The following CTBP2 variants were observed in gnomAD, a reference collection of about 807,000 sequenced individuals.
The protein encoded by CTBP2 is C-terminal-binding protein 2.
A neutral mutation model predicts 80.3 loss-of-function variants in CTBP2; 30 were observed. The ratio of observed to expected loss-of-function variants is 0.37; its 90% CI spans 0.28 to 0.51. The LOEUF is 0.51. CTBP2 is among the 20% of genes least tolerant of loss of function. CTBP2 has a pLI of 0.93. For missense variants in CTBP2, 1,212 were observed against 1,375.3 expected (o/e 0.88, Z 1.88); for synonymous variants, 594 against 587.4 (o/e 1.01, Z -0.16).
chr10:125,002,359 T>C lies in CTBP2; in HGVS notation c.1978+601A>G, dbSNP rs553985262. ...ACATGCACCCCCAGCCGCAAGTGCA[T>C]GGGGCCGATAAGCAGCTTTGAAGCC... On this transcript the variant is annotated intron_variant, in intron 3 of 8. Coordinates refer to ENST00000309035, the MANE Select transcript of CTBP2 (RefSeq NM_022802.3). Among the ~76,000 whole-genome samples, 6 of 152,338 alleles carry C rather than the reference T, an allele frequency of 3.9e-5. No individual in the cohort carries two copies. The South Asian group carries it at 1.0e-3, about 26-fold the overall frequency.
chr10:125,083,457 C>A (rs966225733), intron 2 of CTBP2, among the ~76,000 whole-genome samples: 1 of 152,168 alleles, frequency 6.6e-6, no homozygotes, highest in Non-Finnish European at 1.5e-5. Context: ...TGCAGACCCC[C>A]GACCTGGGCG....
chr10:125,072,303 A>T (rs1018773469), intron 2 of CTBP2, among the ~76,000 whole-genome samples: 2 of 152,032 alleles, frequency 1.3e-5, no homozygotes, highest in African/African-American at 4.8e-5. Flanking sequence ...TACAGCTCCT[A>T]TCTGTCCTGC....
intron 1 of CTBP2, among the ~76,000 whole-genome samples, chr10:125,112,484 A>C (rs919293989): frequency 2.7e-5 from 4 of 148,126 alleles, no homozygotes; most frequent in Non-Finnish European, 5.9e-5. Flanking sequence ...GCTGGAGTGC[A>C]ATGGCGCCGT....
intron 1 of CTBP2, among the ~76,000 whole-genome samples, chr10:125,141,334 G>A (rs1350335878): frequency 2.6e-5 from 4 of 152,004 alleles, no homozygotes; most frequent in Non-Finnish European, 5.9e-5. Context: ...CCTATTTGAC[G>A]CATAAGGAGC....
At chr10:125,106,706 GA>G (rs1410760709) in intron 2 of CTBP2, among the ~76,000 whole-genome samples, 1 of 152,196 alleles carries the variant, frequency 6.6e-6, no homozygotes, top group Non-Finnish European at 1.5e-5. Context: ...AACTCAGCAG[GA>G]ACCCACCCAG....
At chr10:125,065,335 A>C (rs1844459165) in intron 2 of CTBP2, among the ~76,000 whole-genome samples, 1 of 140,896 alleles carries the variant, frequency 7.1e-6, no homozygotes, top group South Asian at 2.3e-4. Context: ...TGCACACATG[A>C]ATCTGTGCTT....
chr10:125,011,619 G>A lies in CTBP2; in HGVS notation c.1679-8127C>T, dbSNP rs180763304. Among the ~76,000 whole-genome samples the A allele has an allele frequency of 1.1e-3, 164 of 152,272 alleles. 1 individual carries two copies. The highest frequency in any genetic ancestry group is 1.9e-3 in the South Asian group (9 of 4,828). ...ACAAAATACAAACCCCCCTGAAAACGAAGCTCATCTGCAACCCTAGAAAGA... is the reference window on the plus strand; with the variant it reads ...ACAAAATACAAACCCCCCTGAAAACAAAGCTCATCTGCAACCCTAGAAAGA... On this transcript the variant is annotated intron_variant, in intron 1 of 8. Transcript: ENST00000309035.
At chr10:125,091,190 T>C (rs948382372) in intron 2 of CTBP2, among the ~76,000 whole-genome samples, 5 of 152,122 alleles carry the variant, frequency 3.3e-5, no homozygotes, top group Non-Finnish European at 5.9e-5. Context: ...AAGAAAAGTA[T>C]TGGAGAGGCC....
At chr10:125,157,403 AAAAG>A (rs1861117395) in intron 1 of CTBP2, among the ~76,000 whole-genome samples, 1 of 143,342 alleles carries the variant, frequency 7.0e-6, no homozygotes, top group Admixed American at 6.9e-5. Context: ...TAAAAAAAAA[AAAAG>A]AGCGGGGGGG....
At chr10:125,044,309 G>A (rs1485486650) in intron 2 of CTBP2, among the ~76,000 whole-genome samples, 1 of 152,226 alleles carries the variant, frequency 6.6e-6, no homozygotes, top group Non-Finnish European at 1.5e-5. Context: ...CCCAGCTCTT[G>A]CACACATAGC....
chr10:125,048,232 G>A (rs1961754785), intron 2 of CTBP2, among the ~76,000 whole-genome samples: 2 of 152,248 alleles, frequency 1.3e-5, no homozygotes, highest in South Asian at 2.1e-4. Context: ...GGTGTCCAGC[G>A]ATGGGGCCCT....
chr10:125,095,409 G>A (rs1849395609), intron 2 of CTBP2, among the ~76,000 whole-genome samples: 1 of 152,168 alleles, frequency 6.6e-6, no homozygotes, highest in East Asian at 1.9e-4. Context: ...TCCAAGGGAT[G>A]TGGTCAAAAC....
chr10:125,042,054 C>A (rs975343975), intron 2 of CTBP2, among the ~76,000 whole-genome samples: 1 of 151,900 alleles, frequency 6.6e-6, no homozygotes, highest in African/African-American at 2.4e-5. Context: ...GTGGCACCGA[C>A]CCATGTTTAG....
intron 2 of CTBP2, among the ~76,000 whole-genome samples, chr10:125,069,093 G>A (rs1390786469): frequency 6.6e-6 from 1 of 152,108 alleles, no homozygotes; most frequent in Non-Finnish European, 1.5e-5. Flanking sequence ...CTCGGGGCTG[G>A]CCTCTTCCAG....
intron 3 of CTBP2, among the ~76,000 whole-genome samples, chr10:125,036,907 C>A (rs962137426): frequency 1.3e-5 from 2 of 152,056 alleles, no homozygotes; most frequent in Admixed American, 6.5e-5. Flanking sequence ...ACAGGTGCCA[C>A]AAGGACTAAG....
chr10:125,095,894 A>G (rs1849474787), intron 2 of CTBP2, among the ~76,000 whole-genome samples: 1 of 152,178 alleles, frequency 6.6e-6, no homozygotes, highest in Non-Finnish European at 1.5e-5. Context: ...CTAAGGCCCA[A>G]TGGTCATGAG....
At chr10:125,149,556 G>T (rs868495584) in intron 1 of CTBP2, among the ~76,000 whole-genome samples, 2 of 151,970 alleles carry the variant, frequency 1.3e-5, no homozygotes, top group Non-Finnish European at 2.9e-5. Flanking sequence ...AGATGGAGGC[G>T]GGGGGCACCC....
upstream of CTBP2, among the ~76,000 whole-genome samples, chr10:125,030,044 T>G (rs760091298): frequency 6.6e-6 from 1 of 152,098 alleles, no homozygotes; most frequent in Non-Finnish European, 1.5e-5. Context: ...CGCACAGCCT[T>G]GGCTCTGAGA....
intron 2 of CTBP2, among the ~76,000 whole-genome samples, chr10:125,067,131 CAA>C (rs918323071): frequency 2.0e-5 from 3 of 152,140 alleles, no homozygotes; most frequent in South Asian, 2.1e-4. Context: ...AGAGATTACA[CAA>C]AAAAAGTCTT....
Sources: allele counts gnomAD v4.1 joint callset (sites outside exome capture counted in the v4.1 genomes callset), GRCh38; gene constraint gnomAD v4.1.1; transcripts MANE v1.5; gene names NCBI Gene and HGNC (gene_info 2026-07-23, HGNC 2026-07-21).